Variants in NFIA observed in about 807,000 individuals in gnomAD.
NFIA encodes the protein nuclear factor 1 A-type.
A neutral mutation model predicts 62.8 loss-of-function variants in NFIA; 8 were observed. The ratio of observed to expected loss-of-function variants is 0.13; its 90% CI spans 0.07 to 0.23. NFIA has a LOEUF of 0.23. NFIA is among the 10% of genes least tolerant of loss of function. The probability of loss-of-function intolerance (pLI) is 1.00; values close to 1 mark genes in which losing one functional copy is unlikely to be tolerated. For synonymous variants in NFIA, 235 were observed against 238.1 expected (o/e 0.99, Z 0.12); for missense variants, 410 against 642.1 (o/e 0.64, Z 3.91).
intron 4 of NFIA, among the ~76,000 whole-genome samples, chr1:61,349,038 G>C (rs879912196): frequency 6.6e-6 from 1 of 152,194 alleles, no homozygotes; most frequent in Non-Finnish European, 1.5e-5. Context: ...AGCTTGCTGG[G>C]AGTGAGGATG....
At position 61,455,666 on chromosome 1, in the gene NFIA, G is replaced by GT. The variant is rs1668271604; in HGVS notation, c.*348dup. The GT allele has an allele frequency of 8.3e-6, 3 of 361,616 alleles. No individual in the cohort carries two copies. Among genetic ancestry groups the GT allele is most frequent in the Non-Finnish European group, 1.5e-5 (3 of 203,764 alleles). The allele number at this position is 361,616 out of a possible 1,614,324, so 22.4% of individuals were successfully genotyped here. Reference sequence around the variant, plus strand: ...GACTACCCTTGCTCACTGACTTCCTGTTGTAACACACTTTCCTTACGGAGC... The same window carrying GT: ...GACTACCCTTGCTCACTGACTTCCTGTTTGTAACACACTTTCCTTACGGAGC... On this transcript the variant is annotated 3_prime_UTR_variant, in exon 11 of 11. Transcript: ENST00000403491.
chr1:61,133,764 T>G (rs1460747591), intron 2 of NFIA, among the ~76,000 whole-genome samples: 1 of 152,138 alleles, frequency 6.6e-6, no homozygotes, highest in African/African-American at 2.4e-5. Context: ...GCCCAGGAGT[T>G]TGAGGCTGTA....
intron 7 of NFIA, among the ~76,000 whole-genome samples, chr1:61,400,079 T>C (rs1439094141): frequency 6.6e-6 from 1 of 152,090 alleles, no homozygotes; most frequent in East Asian, 1.9e-4. Flanking sequence ...GCTGGACTGG[T>C]GGGGAGGGAA....
chr1:61,379,749 C>T (rs562238709), intron 6 of NFIA, among the ~76,000 whole-genome samples: 4 of 152,070 alleles, frequency 2.6e-5, no homozygotes, highest in African/African-American at 9.6e-5. Context: ...GATAAGGTCT[C>T]ACTATATTGT....
chr1:61,275,868 T>C (rs1195359455), intron 2 of NFIA, among the ~76,000 whole-genome samples: 1 of 152,148 alleles, frequency 6.6e-6, no homozygotes, highest in African/African-American at 2.4e-5. Context: ...ATTTTTTAAT[T>C]GTTTGTGATA....
chr1:61,184,130 A>C (rs1259828597), intron 2 of NFIA, among the ~76,000 whole-genome samples: 1 of 147,490 alleles, frequency 6.8e-6, no homozygotes, highest in African/African-American at 2.5e-5. Flanking sequence ...AAAACCAAAA[A>C]AAAAAAAAAA....
chr1:61,112,120 AAAGAT>A (rs1646703099), intron 2 of NFIA, among the ~76,000 whole-genome samples: 1 of 42,068 alleles, frequency 2.4e-5, no homozygotes, highest in South Asian at 8.7e-4. Context: ...TCCAAAATAG[AAAGAT>A]TTTTTTTTTT....
At chr1:61,361,864 T>G (rs1379307759) in intron 6 of NFIA, among the ~76,000 whole-genome samples, 1 of 151,604 alleles carries the variant, frequency 6.6e-6, no homozygotes, top group African/African-American at 2.4e-5. Flanking sequence ...CCCTCACAGT[T>G]GTATTCCTGG....
chr1:61,158,947 T>G (rs753888546), intron 2 of NFIA, among the ~76,000 whole-genome samples: 3 of 152,218 alleles, frequency 2.0e-5, no homozygotes, highest in Non-Finnish European at 4.4e-5. Context: ...AATGGTGTAC[T>G]TTCTGGGTAA....
chr1:61,378,707 T>C (rs1464742546), intron 6 of NFIA, among the ~76,000 whole-genome samples: 1 of 152,206 alleles, frequency 6.6e-6, no homozygotes, highest in African/African-American at 2.4e-5. Context: ...ATGAGAATTT[T>C]GTTCAGACTC....
chr1:61,434,277 C>T (rs1667233544), intron 10 of NFIA, among the ~76,000 whole-genome samples: 1 of 152,108 alleles, frequency 6.6e-6, no homozygotes, highest in South Asian at 2.1e-4. Context: ...TTCTCAGCTC[C>T]AGTAGCAGGT....
intron 3 of NFIA, among the ~76,000 whole-genome samples, chr1:61,305,667 G>T (rs375163465): frequency 1.3e-5 from 2 of 152,150 alleles, no homozygotes; most frequent in Non-Finnish European, 2.9e-5. Flanking sequence ...CAGAAGGGAA[G>T]ACCATCCTGT....
intron 2 of NFIA, among the ~76,000 whole-genome samples, chr1:61,187,385 T>C (rs1476340839): frequency 6.6e-6 from 1 of 152,224 alleles, no homozygotes; most frequent in Non-Finnish European, 1.5e-5. Context: ...CCTCAGCTGC[T>C]TCTCCAACTG....
chr1:61,352,532 A>C lies in NFIA; in HGVS notation c.783A>C (p.Ala261=). The change falls in exon 5 of 11, where the codon GCA becomes GCC. Residue 261 remains alanine (A), a synonymous_variant. Transcript: ENST00000403491. ...SSSYYSMSPG[A]MRRSLPSTSS... ...CATACTACAGCATGAGTCCAGGAGC[A>C]ATGAGGAGGTCTTTACCCAGCACAT... The C allele has an allele frequency of 1.2e-6, 2 of 1,613,966 alleles. No homozygotes were observed. Among genetic ancestry groups the C allele is most frequent in the Non-Finnish European group, 1.7e-6 (2 of 1,179,910 alleles).
intron 2 of NFIA, among the ~76,000 whole-genome samples, chr1:61,201,921 T>C (rs1652527940): frequency 6.6e-6 from 1 of 152,114 alleles, no homozygotes; most frequent in Non-Finnish European, 1.5e-5. Flanking sequence ...GATGATTTTA[T>C]TGAACAACTA....
At chr1:61,193,986 T>A (rs1651823786) in intron 2 of NFIA, among the ~76,000 whole-genome samples, 1 of 152,190 alleles carries the variant, frequency 6.6e-6, no homozygotes, top group African/African-American at 2.4e-5. Context: ...CCTGATGAAT[T>A]TAATTAAAAT....
chr1:61,307,150 A>G (rs79099698), intron 3 of NFIA, among the ~76,000 whole-genome samples: 8,234 of 152,242 alleles, frequency 0.054, 245 homozygotes, highest in South Asian at 0.094. Flanking sequence ...CACAGCTGCT[A>G]TGGCCTTAAT....
intron 2 of NFIA, among the ~76,000 whole-genome samples, chr1:61,254,234 T>C (rs1656235355): frequency 6.6e-6 from 1 of 152,242 alleles, no homozygotes; most frequent in Admixed American, 6.5e-5. Context: ...TGTAACTAAT[T>C]TCCACTGTTG....
chr1:61,423,004 A>G (rs1180132700), intron 9 of NFIA, among the ~76,000 whole-genome samples: 1 of 152,190 alleles, frequency 6.6e-6, no homozygotes. Context: ...GGTAACACAG[A>G]AAGAATGCAA....
Sources: gnomAD v4.1 joint callset for allele counts (sites outside exome capture counted in the v4.1 genomes callset) on GRCh38, gnomAD v4.1.1 for gene constraint, MANE v1.5 for transcripts, NCBI Gene and HGNC (gene_info 2026-07-23, HGNC 2026-07-21) for gene names.